Variants in CLN8 observed in about 807,000 individuals in gnomAD.
The protein encoded by CLN8 is CLN8 transmembrane ER and ERGIC protein, also known as protein CLN8.
CLN8 carries 14 observed loss-of-function variants against 15.7 expected under a neutral mutation model. That is an observed-to-expected ratio of 0.89 (90% CI 0.59 to 1.39). The LOEUF (loss-of-function observed/expected upper bound fraction) is 1.39. Among genes scored for constraint, CLN8 ranks in the 40% most tolerant of loss-of-function variants. CLN8 has a pLI of 0.00. For synonymous variants in CLN8, 188 were observed against 151.0 expected, an observed-to-expected ratio of 1.25 and a Z score of -1.80; for missense variants, 415 against 364.0, an observed-to-expected ratio of 1.14 and a Z score of -1.14.
In CLN8 at chr8:1,780,248, A is replaced by G. The variant is rs1554451484; in HGVS notation, c.544-2A>G. The G allele has an allele frequency of 6.2e-7, 1 of 1,614,284 alleles. No individual in the cohort carries two copies. The highest frequency in any genetic ancestry group is 8.5e-7 in the Non-Finnish European group (1 of 1,180,058). ...TTGTGCATTTGTCTTCTCTCCATGC[A>G]GGCGGGCTGGTCCGAGTCTCTGTTT... On this transcript the variant is annotated splice_acceptor_variant, in intron 2 of 2. Transcript: ENST00000331222. LOFTEE classifies it high-confidence loss of function.
rs1283302419 is a variant in CLN8, at chr8:1,771,290, C to T, written c.236C>T (p.Ala79Val). The change falls in exon 2 of 3, where the codon GCC (alanine) becomes GTC (valine). Residue 79 changes from alanine to valine, a missense_variant. By Grantham distance (64) the Ala-to-Val change is moderately conservative. Coordinates refer to ENST00000331222, the MANE Select transcript of CLN8 (RefSeq NM_018941.4). Reference sequence around the variant, plus strand: ...GCAGTCTTTGGTGTTCAGAGCACAGCCGCAGGCCTGTGGGCTCTGCTGGGG... The same window carrying T: ...GCAGTCTTTGGTGTTCAGAGCACAGTCGCAGGCCTGTGGGCTCTGCTGGGG... ...TRAVFGVQST[A>V]AGLWALLGDP... is the part of the protein sequence containing the mutation. 5.6e-6 allele frequency: 9 copies of T among 1,614,192 alleles called. No homozygotes were observed. Among genetic ancestry groups the T allele is most frequent in the South Asian group, 1.1e-5 (1 of 91,084 alleles).
At chr8:1,765,828 G>T (rs1032471025) in intron 1 of CLN8, among the ~76,000 whole-genome samples, 4 of 152,202 alleles carry the variant, frequency 2.6e-5, no homozygotes, top group African/African-American at 7.2e-5. Context: ...ACAATCAGTG[G>T]TAAATAGTTT....
chr8:1,771,613 A>G lies in CLN8; in HGVS notation c.543+16A>G. 1 of 1,610,870 alleles carries G rather than the reference A, an allele frequency of 6.2e-7. No homozygotes were observed. The highest frequency in any genetic ancestry group is 8.5e-7 in the Non-Finnish European group (1 of 1,178,308). On this transcript the variant is annotated intron_variant, in intron 2 of 2. Coordinates refer to ENST00000331222, the MANE Select transcript of CLN8 (RefSeq NM_018941.4). ...GCTCTTAAAGGTAAGTGCATGCATC[A>G]GCAGAAGATGACATGTGCCTCACGC... is the stretch of plus-strand genomic sequence containing the variant.
intron 2 of CLN8, among the ~76,000 whole-genome samples, chr8:1,779,176 G>C (rs1801625742): frequency 6.6e-6 from 1 of 152,220 alleles, no homozygotes; most frequent in South Asian, 2.1e-4. Context: ...GTAGGGGACT[G>C]TCTATAACAG....
rs1479532404 is a variant in CLN8 at position 1,783,851 on chromosome 8, T to A, written c.*3284T>A. 6.6e-6 allele frequency: 1 copy of A among 152,196 alleles called. No homozygotes were observed. The highest frequency in any genetic ancestry group is 1.5e-5 in the Non-Finnish European group (1 of 68,044). The allele number at this position is 152,196 out of a possible 1,614,324, so 9.4% of individuals were successfully genotyped here. Reference sequence around the variant, plus strand: ...GATGACGTGCCCAAGGTGACGCAACTCGTGAACAGCCGTGCCTGCCTTGGG... The same window carrying A: ...GATGACGTGCCCAAGGTGACGCAACACGTGAACAGCCGTGCCTGCCTTGGG... On this transcript the variant is annotated 3_prime_UTR_variant, in exon 3 of 3. Transcript: ENST00000331222.
chr8:1,780,690 A>G lies in CLN8; in HGVS notation c.*123A>G. The G allele has an allele frequency of 1.2e-6, 1 of 863,110 alleles. No individual in the cohort carries two copies. Among genetic ancestry groups the G allele is most frequent in the East Asian group, 2.6e-5 (1 of 39,060 alleles). The allele number at this position is 863,110 out of a possible 1,614,324, so 53.5% of individuals were successfully genotyped here. On this transcript the variant is annotated 3_prime_UTR_variant, in exon 3 of 3. Coordinates refer to ENST00000331222, the MANE Select transcript of CLN8 (RefSeq NM_018941.4). ...TTTTGTGTTTACTTCTAAGGGAAAT[A>G]CTAACTTTCTTTCGCATTAGTATTA... is the stretch of plus-strand genomic sequence containing the variant.
At chr8:1,773,035 A>G (rs1446358791) in intron 2 of CLN8, 7 of 398,266 alleles carry the variant, frequency 1.8e-5, no homozygotes, top group African/African-American at 8.2e-5. Context: ...TGTAAACAGT[A>G]CAGACTGTTC....
chr8:1,779,978 C>T (rs1018002950), intron 2 of CLN8: 1 of 985,314 alleles, frequency 1.0e-6, no homozygotes, highest in Non-Finnish European at 1.2e-6. Context: ...TTTATCATAG[C>T]TTTAGGGAGC....
chr8:1,763,109 T>C (rs13540), upstream of CLN8: 123,319 of 151,996 alleles, frequency 0.81, 50,273 homozygotes, highest in Non-Finnish European at 0.83. Context: ...GACTTGAAGG[T>C]CCGGGGCTTG....
At chr8:1,763,724 G>T (rs1185113284), upstream of CLN8, 1 of 79,576 alleles carries the variant, frequency 1.3e-5, no homozygotes, top group Non-Finnish European at 3.1e-5. Flanking sequence ...GACGCCCCCA[G>T]GGGGGCAGAA....
intron 2 of CLN8, among the ~76,000 whole-genome samples, chr8:1,774,281 ATTTAC>A (rs1445767322): frequency 1.3e-5 from 2 of 152,186 alleles, no homozygotes; most frequent in African/African-American, 4.8e-5. Flanking sequence ...TTATTTAAGT[ATTTAC>A]TTCTAACCCT....
In CLN8 at chr8:1,772,368, ACTTT is replaced by A. The variant is rs1323388070; in HGVS notation, c.543+778_543+781del. On this transcript the variant is annotated intron_variant, in intron 2 of 2. Transcript: ENST00000331222. ...GACCTAGCATAGTTATTTGCCTAGC[ACTTT>A]CTTTCTGTTTTTGAAGAACATGTTT... 3.9e-5 allele frequency among the ~76,000 whole-genome samples: 6 copies of A among 152,300 alleles called. No individual in the cohort carries two copies. In the East Asian group the frequency reaches 5.8e-4, roughly 15 times the overall value.
upstream of CLN8, among the ~76,000 whole-genome samples, chr8:1,760,807 C>G (rs1288536270): frequency 6.6e-6 from 1 of 152,108 alleles, no homozygotes; most frequent in African/African-American, 2.4e-5. Context: ...GACAGCTGCT[C>G]TGATACAGAG....
At chr8:1,755,754 C>G (rs997193470), upstream of CLN8, 20 of 152,190 alleles carry the variant, frequency 1.3e-4, no homozygotes, top group African/African-American at 4.8e-4. Context: ...TCTCTTCATG[C>G]TGAGTGATTC....
chr8:1,770,179 T>TC (rs1468128148), intron 1 of CLN8, among the ~76,000 whole-genome samples: 1 of 152,152 alleles, frequency 6.6e-6, no homozygotes, highest in Non-Finnish European at 1.5e-5. Context: ...TGGGAGGGCA[T>TC]CTGGAGCAAA....
At position 1,780,512 on chromosome 8, in the gene CLN8, A is replaced by T. The variant is rs139003032; in HGVS notation, c.806A>T (p.Glu269Val). 399 of 1,614,244 alleles carry T rather than the reference A, an allele frequency of 2.5e-4. 3 individuals are homozygous for T. In the Middle Eastern group the frequency reaches 0.011, roughly 45 times the overall value. The change falls in exon 3 of 3, where the codon GAA becomes GTA. Residue 269 changes from glutamate (E) to valine (V), a missense_variant. By Grantham distance (121) the Glu-to-Val change is moderately radical (BLOSUM62 -2). Coordinates refer to ENST00000331222, the MANE Select transcript of CLN8 (RefSeq NM_018941.4). ...NPVDWNFAQP[E>V]AKSRPEGNGQ... ...GTGGACTGGAACTTCGCACAGCCAG[A>T]AGCCAAGAGCAGGCCAGAAGGCAAC...
intron 1 of CLN8, among the ~76,000 whole-genome samples, chr8:1,764,102 G>A (rs1045105453): frequency 3.3e-5 from 5 of 150,876 alleles, no homozygotes; most frequent in African/African-American, 4.9e-5. Context: ...GAACCCAGAT[G>A]GGCGCGCGGG....
chr8:1,766,390 G>GTT (rs5888909), intron 1 of CLN8, among the ~76,000 whole-genome samples: 11 of 109,496 alleles, frequency 1.0e-4, no homozygotes, highest in African/African-American at 1.7e-4. Flanking sequence ...CCAGTTTTTT[G>GTT]TTTTTTTTTT....
chr8:1,765,123 T>C (rs1563103308), intron 1 of CLN8: 1 of 152,176 alleles, frequency 6.6e-6, no homozygotes, highest in Non-Finnish European at 1.5e-5. Context: ...GCATCCAGTT[T>C]CCATACAAAG....
Sources: gnomAD v4.1 joint callset for allele counts (sites outside exome capture counted in the v4.1 genomes callset) on GRCh38, gnomAD v4.1.1 for gene constraint, MANE v1.5 for transcripts, NCBI Gene and HGNC (gene_info 2026-07-23, HGNC 2026-07-21) for gene names.